PDE3B: variants seen among roughly 807,000 people sequenced by gnomAD.
The protein encoded by PDE3B is phosphodiesterase 3B.
In PDE3B, 66 loss-of-function variants were observed where a neutral mutation model predicts 116.8. The observed-to-expected ratio is 0.56, with a 90% CI of 0.46 to 0.69. PDE3B has a LOEUF of 0.69. PDE3B is among the 30% of genes least tolerant of loss of function. The pLI, the probability that PDE3B is intolerant of heterozygous loss-of-function variation, is 0.00. For missense variants in PDE3B, 1,384 were observed against 1,368.1 expected (o/e 1.01, Z -0.18); for synonymous variants, 595 against 533.6 (o/e 1.12, Z -1.59).
chr11:14,814,871 G>A (rs1859269703), intron 5 of PDE3B, among the ~76,000 whole-genome samples: 1 of 152,142 alleles, frequency 6.6e-6, no homozygotes, highest in Middle Eastern at 3.4e-3. Context: ...GCTGAGGCAG[G>A]AGAATGGCAT....
chr11:14,850,757 T>C (rs970938771), intron 12 of PDE3B, among the ~76,000 whole-genome samples: 27 of 152,268 alleles, frequency 1.8e-4, no homozygotes, highest in African/African-American at 6.5e-4. Flanking sequence ...AGGCAAGAGT[T>C]CTCAACAAAT....
intron 1 of PDE3B, chr11:14,674,300 C>T (rs1854464369): frequency 1.1e-5 from 11 of 1,018,876 alleles, no homozygotes; most frequent in Non-Finnish European, 1.4e-5. Flanking sequence ...GTCTTCCCCT[C>T]TGCATACTGC....
chr11:14,644,843 C>T lies in PDE3B; in HGVS notation c.768C>T (p.Gly256=). 6.2e-7 allele frequency: 1 copy of T among 1,612,192 alleles called. No homozygotes were observed. Among genetic ancestry groups the T allele is most frequent in the Non-Finnish European group, 8.5e-7 (1 of 1,179,016 alleles). Residue 256 remains glycine, a synonymous_variant, in exon 1 of 16, where the codon GGC becomes GGT. Coordinates refer to ENST00000282096, the MANE Select transcript of PDE3B (RefSeq NM_000922.4). ...TCTCCGGCCTGGTGGGGGGCGCTGGCTGCCTGCTGGCCCTGGGGTTGGATC... is the reference window on the plus strand; with the variant it reads ...TCTCCGGCCTGGTGGGGGGCGCTGGTTGCCTGCTGGCCCTGGGGTTGGATC... ...PLLSGLVGGA[G]CLLALGLDHF... is the part of the protein sequence containing the mutation.
intron 11 of PDE3B, among the ~76,000 whole-genome samples, chr11:14,839,457 C>T (rs1860155494): frequency 6.6e-6 from 1 of 152,188 alleles, no homozygotes; most frequent in Non-Finnish European, 1.5e-5. Flanking sequence ...AGCTTTTACA[C>T]AGGATAAGTA....
chr11:14,887,056 GTTC>G, the PDE3B span: 1 of 152,264 alleles, frequency 6.6e-6, no homozygotes, highest in African/African-American at 2.4e-5. Flanking sequence ...CAGTAGAAGA[GTTC>G]TAAGTAAAAG....
Position 14,831,720 on chromosome 11 carries a change from T to C in PDE3B, c.2037T>C (p.Phe679=). 1 of 1,605,930 alleles carries C rather than the reference T, an allele frequency of 6.2e-7. No homozygotes were observed. The highest frequency in any genetic ancestry group is 8.5e-7 in the Non-Finnish European group (1 of 1,174,484). ...SLIEKMSNWN[F]PIFELVEKMG... ...TAGAAAAGATGAGCAACTGGAATTT[T>C]CCAATTTTTGAACTTGTAGAAAAGA... The change falls in exon 9 of 16, where the codon TTT becomes TTC. Residue 679 remains phenylalanine (F), a synonymous_variant. Coordinates refer to ENST00000282096, the MANE Select transcript of PDE3B (RefSeq NM_000922.4).
intron 3 of PDE3B, 168 bp from the exon 4 acceptor site, chr11:14,788,938 G>T (rs1441768628): frequency 4.4e-6 from 2 of 451,392 alleles, no homozygotes; most frequent in Non-Finnish European, 7.7e-6. Context: ...ACAAAATAGA[G>T]TGTGAAATTT....
At chr11:14,685,446 C>CTTTTTTTTTTTTTTTTTT (rs71044017) in intron 1 of PDE3B, among the ~76,000 whole-genome samples, 3 of 86,310 alleles carry the variant, frequency 3.5e-5, no homozygotes, top group African/African-American at 1.1e-4. Flanking sequence ...TTTTTCTCAT[C>CTTTTTTTTTTTTTTTTTT]TTTTTTTTTT....
intron 1 of PDE3B, chr11:14,673,924 C>T (rs1402649668): frequency 2.1e-6 from 3 of 1,416,806 alleles, no homozygotes; most frequent in Non-Finnish European, 1.0e-6. Context: ...ACCGCATACT[C>T]CTTATTATCT....
intron 1 of PDE3B, among the ~76,000 whole-genome samples, chr11:14,734,342 T>A (rs1202898512): frequency 6.6e-6 from 1 of 152,146 alleles, no homozygotes; most frequent in Non-Finnish European, 1.5e-5. Context: ...AAGTGCTGGG[T>A]TTACAGGCAT....
chr11:14,722,285 A>C (rs1315859635), intron 1 of PDE3B, among the ~76,000 whole-genome samples: 1 of 152,132 alleles, frequency 6.6e-6, no homozygotes, highest in African/African-American at 2.4e-5. Flanking sequence ...CGTTGTGCAC[A>C]TGTACCTTAA....
rs782460722 is a variant in PDE3B, at chr11:14,859,115, C to T, written c.2593C>T (p.Arg865Cys). 1.5e-5 allele frequency: 25 copies of T among 1,613,510 alleles called. No homozygotes were observed. The highest frequency in any genetic ancestry group is 3.3e-5 in the Admixed American group (2 of 59,996). Residue 865 changes from arginine to cysteine, a missense_variant, in exon 13 of 16, where the codon CGC (arginine) becomes TGC (cysteine). Arg to Cys is a radical substitution (Grantham distance 180). Transcript: ENST00000282096. ...GTCAGCTTGGAATCTATATCTTTCTCGCCCAGAATACAACTTCCTTCTTCA... is the reference window on the plus strand; with the variant it reads ...GTCAGCTTGGAATCTATATCTTTCTTGCCCAGAATACAACTTCCTTCTTCA... ...AASAWNLYLS[R>C]PEYNFLLHLD...
intron 1 of PDE3B, among the ~76,000 whole-genome samples, chr11:14,748,775 G>A (rs1394289831): frequency 1.3e-5 from 2 of 151,908 alleles, no homozygotes; most frequent in East Asian, 3.9e-4. Flanking sequence ...TATAGTTAAG[G>A]TAAAAAGATA....
intron 1 of PDE3B, among the ~76,000 whole-genome samples, chr11:14,758,020 A>C (rs1363783409): frequency 6.6e-6 from 1 of 151,972 alleles, no homozygotes; most frequent in Non-Finnish European, 1.5e-5. Flanking sequence ...CTTTCTACAT[A>C]TGGCTAGCCA....
intron 1 of PDE3B, among the ~76,000 whole-genome samples, chr11:14,730,829 A>G (rs1369639689): frequency 1.3e-5 from 2 of 152,214 alleles, no homozygotes; most frequent in Admixed American, 6.5e-5. Flanking sequence ...CAGATTTGGG[A>G]TCAGATGTGA....
intron 9 of PDE3B, 112 bp downstream of exon 9, chr11:14,831,889 T>TGAA: frequency 3.1e-6 from 2 of 638,930 alleles, no homozygotes; most frequent in Non-Finnish European, 5.3e-6. Context: ...ATGACATTGT[T>TGAA]CATTATTTTT....
At chr11:14,822,600 C>T (rs376806235) in intron 7 of PDE3B, among the ~76,000 whole-genome samples, 2 of 152,300 alleles carry the variant, frequency 1.3e-5, no homozygotes, top group South Asian at 2.1e-4. Flanking sequence ...AGACCCTCCT[C>T]GTAAACCCAC....
the PDE3B span, chr11:14,887,397 G>T: frequency 6.2e-6 from 1 of 161,348 alleles, no homozygotes; most frequent in Non-Finnish European, 1.3e-5. Context: ...GGGTAGAACT[G>T]GAGAAATTTT....
At chr11:14,708,381 T>C (rs1040817832) in intron 1 of PDE3B, among the ~76,000 whole-genome samples, 1 of 152,098 alleles carries the variant, frequency 6.6e-6, no homozygotes, top group Non-Finnish European at 1.5e-5. Context: ...CTTTATAAAC[T>C]ACCCAGCCTC....
Sources: allele counts gnomAD v4.1 joint callset (sites outside exome capture counted in the v4.1 genomes callset), GRCh38; gene constraint gnomAD v4.1.1; transcripts MANE v1.5; gene names NCBI Gene and HGNC (gene_info 2026-07-23, HGNC 2026-07-21).